Variants in QTRT2 observed in about 807,000 individuals in gnomAD.
QTRT2 encodes queuine tRNA-ribosyltransferase domain containing 1.
Under a neutral mutation model 44.8 loss-of-function variants are expected in QTRT2, and 32 were observed. The observed-to-expected ratio is 0.71, with a 90% CI of 0.54 to 0.96. QTRT2 has a LOEUF of 0.96. Ranked by LOEUF, QTRT2 falls within the 40% of genes least tolerant of loss-of-function variation. QTRT2 has a pLI of 0.00. For missense variants in QTRT2, 461 were observed against 503.1 expected, an observed-to-expected ratio of 0.92 and a Z score of 0.80; for synonymous variants, 182 against 187.4, an observed-to-expected ratio of 0.97 and a Z score of 0.24.
Position 114,075,974 on chromosome 3 carries a change from G to T in QTRT2, c.547-769G>T, listed in dbSNP as rs560353557. Among the ~76,000 whole-genome samples the T allele has an allele frequency of 1.2e-4, 19 of 152,248 alleles. 1 individual carries two copies. Among genetic ancestry groups the T allele is most frequent in the Middle Eastern group, 3.4e-3 (1 of 294 alleles). ...ATTGAATTTGTTTTTAAAATGGATG[G>T]TGTGTAGTAGTGGTCTTTATTTTAT... On this transcript the variant is annotated intron_variant, in intron 6 of 9. Coordinates refer to ENST00000281273, the MANE Select transcript of QTRT2 (RefSeq NM_024638.4).
chr3:114,067,962 AG>A (rs778427872), intron 4 of QTRT2, 24 bp from the exon 5 acceptor site: 14 of 1,609,438 alleles, frequency 8.7e-6, no homozygotes, highest in African/African-American at 6.7e-5. Context: ...AGCACTTTCA[AG>A]GGTTCTTTTT....
rs1222565560 is a variant in QTRT2 at position 114,085,793 on chromosome 3, TATG to T, written c.1141_1143del (p.Met381del). 1 of 1,614,178 alleles carries T rather than the reference TATG, an allele frequency of 6.2e-7. No individual in the cohort carries two copies. Among genetic ancestry groups the T allele is most frequent in the Non-Finnish European group, 8.5e-7 (1 of 1,180,036 alleles). On this transcript the variant is annotated inframe_deletion, in exon 10 of 10. Transcript: ENST00000281273. ...ATGAGCTGCTGGCCGGAGTCCTGCT[TATG>T]ATGCACAACTTTGAACACTACTTTG...
At position 114,062,266 on chromosome 3, in the gene QTRT2, G is replaced by A. The variant is rs574889748; in HGVS notation, c.-21-2971G>A. On this transcript the variant is annotated intron_variant, in intron 2 of 9. Coordinates refer to ENST00000281273, the MANE Select transcript of QTRT2 (RefSeq NM_024638.4). ...CACCTGTGGTCTCAGCTACTTAGGAGGCTGAGGTGGGAAGGTTACTTGAGC... is the reference window on the plus strand; with the variant it reads ...CACCTGTGGTCTCAGCTACTTAGGAAGCTGAGGTGGGAAGGTTACTTGAGC... Among the ~76,000 whole-genome samples, 25 of 151,636 alleles carry A rather than the reference G, an allele frequency of 1.6e-4. 1 individual carries two copies. The highest frequency in any genetic ancestry group is 1.1e-3 in the Admixed American group (16 of 15,220).
chr3:114,070,309 G>T (rs543948081), intron 5 of QTRT2, among the ~76,000 whole-genome samples: 6 of 152,140 alleles, frequency 3.9e-5, no homozygotes, highest in African/African-American at 1.4e-4. Flanking sequence ...CAGTCAAAAG[G>T]AACAGTGTGA....
At chr3:114,064,450 G>A (rs962031212) in intron 2 of QTRT2, among the ~76,000 whole-genome samples, 2 of 152,170 alleles carry the variant, frequency 1.3e-5, no homozygotes, top group Non-Finnish European at 2.9e-5. Context: ...CCAGTATTTT[G>A]CTTCACTGAA....
chr3:114,067,834 A>C (rs180862265), intron 4 of QTRT2, among the ~76,000 whole-genome samples, 153 bp from the exon 5 acceptor site: 88 of 152,322 alleles, frequency 5.8e-4, no homozygotes, highest in African/African-American at 2.0e-3. Context: ...ACATATTGAT[A>C]GGCCTTCTCT....
intron 6 of QTRT2, 80 bp from the exon 7 acceptor site, chr3:114,076,663 T>C: frequency 7.4e-7 from 1 of 1,356,972 alleles, no homozygotes; most frequent in Non-Finnish European, 1.0e-6. Context: ...CTTCTATACA[T>C]TGGACTTCCA....
In QTRT2 at chr3:114,057,011, G is replaced by C; in HGVS notation, c.-117G>C. ...CTTCCCTTTTCAGGGTGTCCTGGTG[G>C]ATTGGTTTCTGTAAGTTCAGATTCT... On this transcript the variant is annotated 5_prime_UTR_variant, in exon 2 of 10. Coordinates refer to ENST00000281273, the MANE Select transcript of QTRT2 (RefSeq NM_024638.4). 1 of 1,423,338 alleles carries C rather than the reference G, an allele frequency of 7.0e-7. No individual in the cohort carries two copies. Among genetic ancestry groups the C allele is most frequent in the Admixed American group, 3.0e-5 (1 of 32,932 alleles). 88.2% of individuals were successfully genotyped at this position (1,423,338 alleles called of 1,614,324 possible).
rs374852675 is a variant in QTRT2, at chr3:114,085,825, T to C, written c.1169T>C (p.Phe390Ser). 1.2e-6 allele frequency: 2 copies of C among 1,613,970 alleles called. No homozygotes were observed. Among genetic ancestry groups the C allele is most frequent in the Non-Finnish European group, 1.7e-6 (2 of 1,180,032 alleles). ...CACAACTTTGAACACTACTTTGGGT[T>C]TTTCCATTACATCCGGGAAGCACTA... ...MMHNFEHYFG[F>S]FHYIREALKS... is the part of the protein sequence containing the mutation. The change falls in exon 10 of 10, where the codon TTT (phenylalanine) becomes TCT (serine). Residue 390 changes from phenylalanine to serine, a missense_variant. Phe to Ser is a radical substitution (Grantham distance 155). Transcript: ENST00000281273.
chr3:114,077,002 G>C, intron 7 of QTRT2, 60 bp downstream of exon 7: 1 of 1,464,200 alleles, frequency 6.8e-7, no homozygotes, highest in Non-Finnish European at 9.5e-7. Context: ...AGTGCTGGCC[G>C]ATTGTATATT....
chr3:114,085,968 A>G lies in QTRT2; in HGVS notation c.*64A>G, dbSNP rs1303081200. ...TGTACCACTGTTGTAACATGGGAAG[A>G]CGTGAAGAAGAAATAATCTGAGCTT... is the stretch of plus-strand genomic sequence containing the variant. On this transcript the variant is annotated 3_prime_UTR_variant, in exon 10 of 10. Coordinates refer to ENST00000281273, the MANE Select transcript of QTRT2 (RefSeq NM_024638.4). 5.8e-6 allele frequency: 7 copies of G among 1,212,632 alleles called. No individual in the cohort carries two copies. Among genetic ancestry groups the G allele is most frequent in the Non-Finnish European group, 7.3e-6 (6 of 816,958 alleles). 75.1% of individuals were successfully genotyped at this position (1,212,632 alleles called of 1,614,324 possible).
chr3:114,068,272 G>A (rs1368025431), intron 5 of QTRT2: 1 of 412,174 alleles, frequency 2.4e-6, no homozygotes, highest in African/African-American at 2.0e-5. Flanking sequence ...TGTATCCTCA[G>A]CATTTTCATT....
intron 8 of QTRT2, 100 bp downstream of exon 8, chr3:114,080,157 G>C (rs2077149183): frequency 5.3e-6 from 5 of 942,694 alleles, no homozygotes; most frequent in Non-Finnish European, 7.9e-6. Context: ...TATAAAGCCA[G>C]TCTTTTACAA....
At chr3:114,081,839 A>G (rs967266282) in intron 8 of QTRT2, among the ~76,000 whole-genome samples, 50 of 152,124 alleles carry the variant, frequency 3.3e-4, no homozygotes, top group African/African-American at 1.1e-3. Context: ...TATACCTTTG[A>G]CCTTGATAAA....
rs1052385141 is a variant in QTRT2, at chr3:114,085,835, C to T, written c.1179C>T (p.Tyr393=). ...AACACTACTTTGGGTTTTTCCATTA[C>T]ATCCGGGAAGCACTAAAAAGTGACA... is the stretch of plus-strand genomic sequence containing the variant. ...NFEHYFGFFH[Y]IREALKSDKL... The change falls in exon 10 of 10, where the codon TAC becomes TAT. Residue 393 remains tyrosine (Y), a synonymous_variant. Coordinates refer to ENST00000281273, the MANE Select transcript of QTRT2 (RefSeq NM_024638.4). 3.1e-6 allele frequency: 5 copies of T among 1,614,170 alleles called. No homozygotes were observed. In the East Asian group the frequency reaches 6.7e-5, roughly 22 times the overall value.
intron 6 of QTRT2, among the ~76,000 whole-genome samples, chr3:114,071,159 G>A (rs138913859): frequency 9.6e-4 from 146 of 152,178 alleles, no homozygotes; most frequent in African/African-American, 3.2e-3. Context: ...TGGGCTATAG[G>A]TAGGTTATGT....
In QTRT2 at chr3:114,087,238, A is replaced by G. The variant is rs1436328453; in HGVS notation, c.*1334A>G. ...ACTTCTATGCTATATTTTGCTATTC[A>G]AAATTTAGTGGGCATTACTTAACAT... On this transcript the variant is annotated 3_prime_UTR_variant, in exon 10 of 10. Transcript: ENST00000281273. 1 of 152,200 alleles carries G rather than the reference A, an allele frequency of 6.6e-6. No individual in the cohort carries two copies. Among genetic ancestry groups the G allele is most frequent in the African/African-American group, 2.4e-5 (1 of 41,448 alleles). 9.4% of individuals were successfully genotyped at this position (152,200 alleles called of 1,614,324 possible). A position where few individuals can be genotyped will look rare whatever the true frequency, so the allele number is the denominator to read the frequency against.
intron 2 of QTRT2, among the ~76,000 whole-genome samples, chr3:114,061,385 C>T (rs991890244): frequency 6.6e-6 from 1 of 152,104 alleles, no homozygotes; most frequent in African/African-American, 2.4e-5. Context: ...TAGAAAAGAT[C>T]AGGCTCAGCT....
intron 2 of QTRT2, among the ~76,000 whole-genome samples, chr3:114,064,215 CA>C (rs530553457): frequency 4.7e-5 from 7 of 147,388 alleles, no homozygotes; most frequent in South Asian, 2.2e-4. Flanking sequence ...ATTCTGTGTC[CA>C]AAAAAAAATG....
Sources: gnomAD v4.1 joint callset for allele counts (sites outside exome capture counted in the v4.1 genomes callset) on GRCh38, gnomAD v4.1.1 for gene constraint, MANE v1.5 for transcripts, NCBI Gene and HGNC (gene_info 2026-07-23, HGNC 2026-07-21) for gene names.